The following ECI1 variants were observed in gnomAD, a reference collection of about 807,000 sequenced individuals.
ECI1 encodes the protein enoyl-CoA delta isomerase 1, mitochondrial.
Under a neutral mutation model 34.2 loss-of-function variants are expected in ECI1, and 34 were observed. The ratio of observed to expected loss-of-function variants is 1.00; its 90% CI spans 0.76 to 1.33. The LOEUF (loss-of-function observed/expected upper bound fraction) is 1.33. Among genes scored for constraint, ECI1 ranks in the 40% most tolerant of loss-of-function variants. ECI1 has a pLI of 0.00. For synonymous variants in ECI1, 211 were observed against 193.0 expected, an observed-to-expected ratio of 1.09 and a Z score of -0.77; for missense variants, 456 against 422.2, an observed-to-expected ratio of 1.08 and a Z score of -0.70.
At chr16:2,250,306 TAGTTTGTCCCTCTCA>T (rs1190017386) in intron 2 of ECI1, among the ~76,000 whole-genome samples, 2 of 150,198 alleles carry the variant, frequency 1.3e-5, no homozygotes, top group East Asian at 3.9e-4. Flanking sequence ...AAGTTGGTCT[TAGTTTGTCCCTCTCA>T]AGTTTGTAGA....
At chr16:2,248,669 C>T (rs2093545979) in intron 2 of ECI1, among the ~76,000 whole-genome samples, 1 of 152,202 alleles carries the variant, frequency 6.6e-6, no homozygotes, top group South Asian at 2.1e-4. Context: ...CTGCCTCGGC[C>T]TCCCAAAGTG....
Position 2,242,049 on chromosome 16 carries a change from A to G in ECI1, c.742+997T>C, listed in dbSNP as rs192383181. Among the ~76,000 whole-genome samples, 1,064 of 152,080 alleles carry G rather than the reference A, an allele frequency of 7.0e-3. 8 individuals carry two copies. The highest frequency in any genetic ancestry group is 9.0e-3 in the Non-Finnish European group (609 of 67,984). On this transcript the variant is annotated intron_variant, in intron 6 of 6. Transcript: ENST00000301729. Reference sequence around the variant, plus strand: ...TAATTTTTGTATTTTTAGTAGAGACAGGGTTTCACCGTGTTAGCCAGGATG... The same window carrying G: ...TAATTTTTGTATTTTTAGTAGAGACGGGGTTTCACCGTGTTAGCCAGGATG...
intron 3 of ECI1, among the ~76,000 whole-genome samples, chr16:2,245,824 G>A (rs2093539019): frequency 6.6e-6 from 1 of 152,134 alleles, no homozygotes; most frequent in South Asian, 2.1e-4. Context: ...ACCAACGTGG[G>A]CAATAAAGGC....
Position 2,243,113 on chromosome 16 carries a change from C to CTGGT in ECI1, c.671_674dup (p.Val226ProfsTer116). On this transcript the variant is annotated frameshift_variant, in exon 6 of 7. Transcript: ENST00000301729. LOFTEE classifies it high-confidence loss of function. ...TCTGCACCTGCTCCTCCGGGACCACCTGGTCCACTATGCCCACCTGCAGGG... is the reference window on the plus strand; with the variant it reads ...TCTGCACCTGCTCCTCCGGGACCACCTGGTTGGTCCACTATGCCCACCTGCAGGG... 1.2e-6 allele frequency: 2 copies of CTGGT among 1,606,196 alleles called. No homozygotes were observed. Among genetic ancestry groups the CTGGT allele is most frequent in the Non-Finnish European group, 1.7e-6 (2 of 1,179,786 alleles).
intron 2 of ECI1, among the ~76,000 whole-genome samples, chr16:2,251,099 C>G (rs8050222): frequency 0.042 from 6,400 of 152,332 alleles, 159 homozygotes; most frequent in East Asian, 0.095. Context: ...GGATTACAGG[C>G]GTGAGCCACC....
intron 6 of ECI1, chr16:2,240,625 G>C (rs1464291727): frequency 1.2e-5 from 2 of 173,476 alleles, no homozygotes; most frequent in African/African-American, 4.8e-5. Context: ...GGGCTCAGGT[G>C]ATCCTCTCAC....
chr16:2,249,399 T>G (rs1011068051), intron 2 of ECI1, among the ~76,000 whole-genome samples: 2 of 151,990 alleles, frequency 1.3e-5, no homozygotes, highest in African/African-American at 4.8e-5. Context: ...GGACTACACA[T>G]TGTGAATATA....
At chr16:2,247,896 A>G (rs1040665337) in intron 2 of ECI1, among the ~76,000 whole-genome samples, 2 of 150,726 alleles carry the variant, frequency 1.3e-5, no homozygotes, top group Non-Finnish European at 3.0e-5. Flanking sequence ...TTTAGTACAG[A>G]CGAGGTCTTA....
chr16:2,247,136 A>C lies in ECI1; in HGVS notation c.167-150T>G, dbSNP rs563166293. The C allele has an allele frequency of 1.1e-4, 115 of 1,049,126 alleles. 2 individuals are homozygous for C. In the East Asian group the frequency reaches 3.0e-3, roughly 28 times the overall value. 65.0% of individuals were successfully genotyped at this position (1,049,126 alleles called of 1,614,324 possible). On this transcript the variant is annotated intron_variant, in intron 2 of 6. Coordinates refer to ENST00000301729, the MANE Select transcript of ECI1 (RefSeq NM_001919.4). Reference sequence around the variant, plus strand: ...TTTAGAGACAGAGTCTCGCTCTGTCACCCAGGCTGGAGTGCAGTGGCGCGA... The same window carrying C: ...TTTAGAGACAGAGTCTCGCTCTGTCCCCCAGGCTGGAGTGCAGTGGCGCGA...
chr16:2,240,431 G>C (rs756282078), intron 6 of ECI1: 2 of 384,332 alleles, frequency 5.2e-6, no homozygotes, highest in Non-Finnish European at 9.9e-6. Flanking sequence ...GGCTGGTCCC[G>C]AACTCCTGAC....
chr16:2,245,218 C>T (rs1003873292), intron 3 of ECI1, among the ~76,000 whole-genome samples: 2 of 152,186 alleles, frequency 1.3e-5, no homozygotes, highest in African/African-American at 4.8e-5. Context: ...GACAAGGGTA[C>T]CTTCCCCTCT....
At position 2,244,532 on chromosome 16, in the gene ECI1, C is replaced by A; in HGVS notation, c.315G>T (p.Ser105=). The stretch of plus-strand genomic sequence containing the variant: ...ACATCTCCGTCAGGTCCAGGCCGGC[C>A]GAGAAGACACCCGGGCGGTCCTGCA... ...ILTSDRPGVF[S]AGLDLTEMCG... Residue 105 remains serine (S), a synonymous_variant, in exon 4 of 7, where the codon TCG becomes TCT. Coordinates refer to ENST00000301729, the MANE Select transcript of ECI1 (RefSeq NM_001919.4). The A allele has an allele frequency of 6.3e-7, 1 of 1,591,948 alleles. No individual in the cohort carries two copies. Among genetic ancestry groups the A allele is most frequent in the Non-Finnish European group, 8.5e-7 (1 of 1,170,020 alleles).
chr16:2,245,150 GGGA>G (rs2093537320), intron 3 of ECI1, among the ~76,000 whole-genome samples: 1 of 152,326 alleles, frequency 6.6e-6, no homozygotes, highest in Non-Finnish European at 1.5e-5. Flanking sequence ...GGCGGGCTCG[GGGA>G]GGAGTGGAGA....
intron 2 of ECI1, among the ~76,000 whole-genome samples, chr16:2,248,980 T>C (rs2093546594): frequency 1.3e-5 from 2 of 152,190 alleles, no homozygotes; most frequent in African/African-American, 4.8e-5. Context: ...GTCCACTTAG[T>C]ATCATGTGTT....
Position 2,248,442 on chromosome 16 carries a change from C to G in ECI1, c.167-1456G>C, listed in dbSNP as rs577212240. Among the ~76,000 whole-genome samples the G allele has an allele frequency of 6.1e-4, 89 of 146,822 alleles. 2 individuals are homozygous for G. The South Asian group carries it at 0.019, about 31-fold the overall frequency. On this transcript the variant is annotated intron_variant, in intron 2 of 6. Transcript: ENST00000301729. ...CTTTATTTTTTTTTTGAGACAAGAG[C>G]CTCGCTCTGTTGCCCAGGCTGGAGT...
rs1253649654 is a variant in ECI1, at chr16:2,243,404, C to T, written c.477G>A (p.Leu159=). The T allele has an allele frequency of 6.2e-7, 1 of 1,613,488 alleles. No individual in the cohort carries two copies. Among genetic ancestry groups the T allele is most frequent in the East Asian group, 2.2e-5 (1 of 44,882 alleles). ...CCGCCAGGATGCGGTAGTCACAGGT[C>T]AGGGCCACCAGGCAGCCTCCAGCGG... ...ACPAGGCLVA[L]TCDYRILADN... is the part of the protein sequence containing the mutation. Residue 159 remains leucine (L), a synonymous_variant, in exon 5 of 7, where the codon CTG becomes CTA. Coordinates refer to ENST00000301729, the MANE Select transcript of ECI1 (RefSeq NM_001919.4).
chr16:2,248,943 A>G (rs971332051), intron 2 of ECI1, among the ~76,000 whole-genome samples: 5 of 152,090 alleles, frequency 3.3e-5, no homozygotes, highest in Admixed American at 2.6e-4. Context: ...TATCACTGGG[A>G]TACCGCCGGG....
rs146513443 is a variant in ECI1, at chr16:2,246,877, G to A, written c.276C>T (p.Arg92=). ...LEKLENDKSF[R]GVILTSDRPG... is the part of the protein sequence containing the mutation. The stretch of plus-strand genomic sequence containing the variant: ...CACCTACCGAGGTCAGAATGACACC[G>A]CGGAAGCTCTTGTCATTCTCCAGCT... The change falls in exon 3 of 7, where the codon CGC becomes CGT. Residue 92 remains arginine (R), a synonymous_variant. Coordinates refer to ENST00000301729, the MANE Select transcript of ECI1 (RefSeq NM_001919.4). The A allele has an allele frequency of 1.2e-3, 1,912 of 1,613,134 alleles. 4 individuals are homozygous for A. The highest frequency in any genetic ancestry group is 1.5e-3 in the Non-Finnish European group (1,790 of 1,180,012).
At chr16:2,245,897 G>A (rs544657359) in intron 3 of ECI1, among the ~76,000 whole-genome samples, 23 of 152,122 alleles carry the variant, frequency 1.5e-4, no homozygotes, top group African/African-American at 3.9e-4. Flanking sequence ...CCCAGGAGGC[G>A]GAGGTTGTAG....
Sources: allele counts gnomAD v4.1 joint callset (sites outside exome capture counted in the v4.1 genomes callset), GRCh38; gene constraint gnomAD v4.1.1; transcripts MANE v1.5; gene names NCBI Gene and HGNC (gene_info 2026-07-23, HGNC 2026-07-21).